PPP2R5E: variants seen among roughly 807,000 people sequenced by gnomAD.
PPP2R5E encodes protein phosphatase 2 regulatory subunit B'epsilon, also known as serine/threonine-protein phosphatase 2A 56 kDa regulatory subunit epsilon isoform.
PPP2R5E carries 4 observed loss-of-function variants against 65.3 expected under a neutral mutation model. That is an observed-to-expected ratio of 0.06 (90% CI 0.03 to 0.14). The LOEUF (loss-of-function observed/expected upper bound fraction) is 0.14, where lower values mean the gene tolerates loss of function less well. PPP2R5E is among the 10% of genes least tolerant of loss of function. The pLI is 1.00. For missense variants in PPP2R5E, 274 were observed against 556.1 expected (o/e 0.49, Z 5.10); for synonymous variants, 183 against 187.4 (o/e 0.98, Z 0.19).
chr14:63,430,369 A>G (rs4448853), intron 3 of PPP2R5E, among the ~76,000 whole-genome samples: 66,614 of 133,784 alleles, frequency 0.5, 17,228 homozygotes, highest in Non-Finnish European at 0.59. Flanking sequence ...ATACATACAT[A>G]CATGCATGCA....
At chr14:63,397,008 C>T (rs1487534863) in intron 5 of PPP2R5E, among the ~76,000 whole-genome samples, 1 of 152,210 alleles carries the variant, frequency 6.6e-6, no homozygotes, top group East Asian at 1.9e-4. Flanking sequence ...TCCAAGCAAT[C>T]TACATATTAA....
At chr14:63,477,961 T>C (rs1275857299) in intron 2 of PPP2R5E, among the ~76,000 whole-genome samples, 1 of 152,050 alleles carries the variant, frequency 6.6e-6, no homozygotes, top group Non-Finnish European at 1.5e-5. Flanking sequence ...ACACAAAACA[T>C]GGACAAACAA....
chr14:63,522,462 C>T (rs1217677426), intron 2 of PPP2R5E, among the ~76,000 whole-genome samples: 1 of 149,288 alleles, frequency 6.7e-6, no homozygotes, highest in Non-Finnish European at 1.5e-5. Context: ...AAGTGAGGAG[C>T]GTCTCTGCCC....
At chr14:63,429,461 T>C (rs1887505978) in intron 3 of PPP2R5E, among the ~76,000 whole-genome samples, 1 of 152,218 alleles carries the variant, frequency 6.6e-6, no homozygotes, top group Admixed American at 6.5e-5. Context: ...GTTGCCACTA[T>C]TTCTCCAGCA....
intron 2 of PPP2R5E, among the ~76,000 whole-genome samples, chr14:63,530,877 A>C (rs575082633): frequency 6.6e-6 from 1 of 152,204 alleles, no homozygotes; most frequent in East Asian, 1.9e-4. Context: ...TCAGCCTCCC[A>C]AAGTGCTGGG....
At chr14:63,382,743 G>A (rs1884440186) in intron 12 of PPP2R5E, among the ~76,000 whole-genome samples, 1 of 152,112 alleles carries the variant, frequency 6.6e-6, no homozygotes, top group Admixed American at 6.6e-5. Context: ...CTGCCTGTGG[G>A]CATTTGATAA....
intron 3 of PPP2R5E, among the ~76,000 whole-genome samples, chr14:63,426,576 A>T (rs1002247818): frequency 6.6e-6 from 1 of 152,100 alleles, no homozygotes; most frequent in Non-Finnish European, 1.5e-5. Context: ...TACGTTAAAG[A>T]TATACACTGT....
intron 3 of PPP2R5E, among the ~76,000 whole-genome samples, chr14:63,450,161 C>A (rs919692987): frequency 6.6e-6 from 1 of 152,228 alleles, no homozygotes; most frequent in Non-Finnish European, 1.5e-5. Context: ...CAGGCGTGAG[C>A]CACCGCGCCC....
intron 1 of PPP2R5E, among the ~76,000 whole-genome samples, 173 bp downstream of exon 1, chr14:63,542,606 T>C (rs568774824): frequency 3.3e-5 from 5 of 151,656 alleles, no homozygotes. Flanking sequence ...TCAGAAGCAT[T>C]TGTAGGTAAA....
At chr14:63,518,249 T>C (rs1236979041) in intron 2 of PPP2R5E, among the ~76,000 whole-genome samples, 12 of 152,068 alleles carry the variant, frequency 7.9e-5, no homozygotes, top group Admixed American at 3.9e-4. Flanking sequence ...CCCAGATTTT[T>C]TTGTTTGTTT....
intron 3 of PPP2R5E, among the ~76,000 whole-genome samples, chr14:63,439,438 G>A (rs565943901): frequency 9.6e-4 from 146 of 151,956 alleles, no homozygotes; most frequent in Middle Eastern, 3.4e-3. Flanking sequence ...GCAATGGCAC[G>A]ATCTCGGCTC....
rs543692931 is a variant in PPP2R5E, at chr14:63,420,299, G to A, written c.456+1694C>T. On this transcript the variant is annotated intron_variant, in intron 4 of 13. Transcript: ENST00000337537. ...AGACTAAACTGTAATTCAATGAACT[G>A]TCACCAAACATTAAGAGTAAGACAT... 5.3e-5 allele frequency among the ~76,000 whole-genome samples: 8 copies of A among 152,276 alleles called. No homozygotes were observed. The South Asian group carries it at 1.5e-3, about 28-fold the overall frequency.
At position 63,502,598 on chromosome 14, in the gene PPP2R5E, C is replaced by T. The variant is rs527496466; in HGVS notation, c.157+36931G>A. 2.6e-5 allele frequency among the ~76,000 whole-genome samples: 4 copies of T among 152,086 alleles called. No homozygotes were observed. The East Asian group carries it at 5.8e-4, about 22-fold the overall frequency. On this transcript the variant is annotated intron_variant, in intron 2 of 13. Coordinates refer to ENST00000337537, the MANE Select transcript of PPP2R5E (RefSeq NM_006246.5). ...AGGAGAATTGCTTGAACCTGGGAAG[C>T]AGAGGTTGCAGTGAGCTGAGATCAT...
At chr14:63,499,283 C>T (rs536334975) in intron 2 of PPP2R5E, among the ~76,000 whole-genome samples, 5 of 152,176 alleles carry the variant, frequency 3.3e-5, no homozygotes, top group Non-Finnish European at 5.9e-5. Context: ...TATATGACAG[C>T]AGAAATGTAA....
chr14:63,472,215 G>A (rs1196578494), intron 2 of PPP2R5E, among the ~76,000 whole-genome samples: 2 of 152,110 alleles, frequency 1.3e-5, no homozygotes, highest in Non-Finnish European at 2.9e-5. Context: ...CAGGAGAATC[G>A]GCTGAACCCA....
chr14:63,461,952 C>A (rs1343648186), intron 2 of PPP2R5E, among the ~76,000 whole-genome samples: 2 of 152,052 alleles, frequency 1.3e-5, no homozygotes, highest in Admixed American at 6.6e-5. Context: ...GTACTGCCAA[C>A]AACTTTTCCA....
At chr14:63,436,394 A>G (rs1353777806) in intron 3 of PPP2R5E, among the ~76,000 whole-genome samples, 1 of 152,214 alleles carries the variant, frequency 6.6e-6, no homozygotes, top group African/African-American at 2.4e-5. Context: ...TTGAAATCAC[A>G]AAAAATAAAC....
At chr14:63,433,027 G>GTT (rs1332283002) in intron 3 of PPP2R5E, among the ~76,000 whole-genome samples, 10 of 114,042 alleles carry the variant, frequency 8.8e-5, no homozygotes, top group East Asian at 2.6e-4. Context: ...TTTTTGTTTT[G>GTT]TTTTGTTTTT....
At chr14:63,476,744 G>T (rs1325794808) in intron 2 of PPP2R5E, among the ~76,000 whole-genome samples, 1 of 151,920 alleles carries the variant, frequency 6.6e-6, no homozygotes, top group Admixed American at 6.6e-5. Flanking sequence ...GATTTTTAAG[G>T]CCTTTAGATC....
Sources: gnomAD v4.1 joint callset for allele counts (sites outside exome capture counted in the v4.1 genomes callset) on GRCh38, gnomAD v4.1.1 for gene constraint, MANE v1.5 for transcripts, NCBI Gene and HGNC (gene_info 2026-07-23, HGNC 2026-07-21) for gene names.